Variants in ADAMTS18 observed in about 807,000 individuals in gnomAD.
ADAMTS18 encodes the protein ADAM metallopeptidase with thrombospondin type 1 motif 18, also known as A disintegrin and metalloproteinase with thrombospondin motifs 18.
In ADAMTS18, 157 loss-of-function variants were observed where a neutral mutation model predicts 165.9. That is an observed-to-expected ratio of 0.95 (90% CI 0.83 to 1.08). ADAMTS18 has a LOEUF of 1.08. ADAMTS18 is among the 50% of genes least tolerant of loss of function. ADAMTS18 has a pLI of 0.00. For missense variants in ADAMTS18, 2,040 were observed against 1,534.0 expected (o/e 1.33, Z -5.51); for synonymous variants, 782 against 578.2 (o/e 1.35, Z -5.06).
intron 19 of ADAMTS18, among the ~76,000 whole-genome samples, chr16:77,294,039 C>A (rs140070264): frequency 6.8e-6 from 1 of 148,048 alleles, no homozygotes; most frequent in African/African-American, 2.4e-5. Flanking sequence ...CAGAAAGCAG[C>A]ACCCTCCAGC....
chr16:77,322,319 C>T lies in ADAMTS18; in HGVS notation c.2163+17G>A. The T allele has an allele frequency of 6.2e-7, 1 of 1,613,818 alleles. No individual in the cohort carries two copies. The highest frequency in any genetic ancestry group is 8.5e-7 in the Non-Finnish European group (1 of 1,179,836). ...ACAAGCATGCTCATACACTCCAAAG[C>T]AGAAACGTTCTCTTACTTCACAAAC... On this transcript the variant is annotated intron_variant, in intron 14 of 22. Coordinates refer to ENST00000282849, the MANE Select transcript of ADAMTS18 (RefSeq NM_199355.4).
At chr16:77,385,251 G>A (rs898900337) in intron 3 of ADAMTS18, among the ~76,000 whole-genome samples, 5 of 152,254 alleles carry the variant, frequency 3.3e-5, no homozygotes, top group East Asian at 1.9e-4. Context: ...CCTTGTCATC[G>A]AAAGTCTAAC....
At chr16:77,423,825 T>C (rs993975460) in intron 3 of ADAMTS18, among the ~76,000 whole-genome samples, 7 of 152,196 alleles carry the variant, frequency 4.6e-5, no homozygotes, top group Admixed American at 3.9e-4. Flanking sequence ...ATTGCCAGTA[T>C]CAAAGTGTTC....
intron 3 of ADAMTS18, among the ~76,000 whole-genome samples, chr16:77,376,965 C>A (rs1172454971): frequency 1.3e-5 from 2 of 152,012 alleles, no homozygotes; most frequent in Non-Finnish European, 2.9e-5. Flanking sequence ...CAAGCGCCCA[C>A]CACCACTCTC....
chr16:77,306,116 G>A (rs779282235), intron 16 of ADAMTS18, among the ~76,000 whole-genome samples: 7 of 152,180 alleles, frequency 4.6e-5, no homozygotes, highest in South Asian at 2.1e-4. Flanking sequence ...TGGAAAGACC[G>A]CCAGTGATTC....
chr16:77,415,725 C>CAAAAAAAAAAAA (rs71137817), intron 3 of ADAMTS18, among the ~76,000 whole-genome samples: 69 of 101,952 alleles, frequency 6.8e-4, no homozygotes, highest in African/African-American at 2.4e-3. Context: ...GCTGGGTAGG[C>CAAAAAAAAAAAA]AAAAAAAAAA....
rs2056818383 is a variant in ADAMTS18, at chr16:77,367,667, A to G, written c.552T>C (p.Leu184=). ...NEFLISPLPQ[L]LAQEHNYSSP... ...AGCTGTAGTTGTGTTCCTGGGCCAG[A>G]AGCTGAGGTAATGGCGAGATGAGGA... The change falls in exon 4 of 23, where the codon CTT becomes CTC. Residue 184 remains leucine, a synonymous_variant. Coordinates refer to ENST00000282849, the MANE Select transcript of ADAMTS18 (RefSeq NM_199355.4). The G allele has an allele frequency of 6.2e-7, 1 of 1,614,050 alleles. No individual in the cohort carries two copies. The highest frequency in any genetic ancestry group is 1.1e-5 in the South Asian group (1 of 91,088).
chr16:77,307,795 G>T (rs778805304), intron 16 of ADAMTS18, among the ~76,000 whole-genome samples: 5 of 152,044 alleles, frequency 3.3e-5, no homozygotes, highest in African/African-American at 1.2e-4. Flanking sequence ...TGTATCTTGA[G>T]GCACTTCCTT....
intron 16 of ADAMTS18, among the ~76,000 whole-genome samples, chr16:77,300,792 C>T (rs1018797129): frequency 3.3e-5 from 5 of 152,082 alleles, no homozygotes; most frequent in South Asian, 2.1e-4. Context: ...CACACATAGT[C>T]GTACCCTACA....
intron 3 of ADAMTS18, among the ~76,000 whole-genome samples, chr16:77,408,386 T>G (rs934039341): frequency 1.3e-5 from 2 of 151,996 alleles, no homozygotes; most frequent in Non-Finnish European, 2.9e-5. Context: ...ATTTGAACCA[T>G]AAGACCTGCA....
At chr16:77,309,197 C>T (rs181991624) in intron 16 of ADAMTS18, among the ~76,000 whole-genome samples, 34 of 149,720 alleles carry the variant, frequency 2.3e-4, no homozygotes, top group East Asian at 1.0e-3. Flanking sequence ...TTTATGCTAA[C>T]GTGCGCATGT....
intron 22 of ADAMTS18, among the ~76,000 whole-genome samples, chr16:77,286,794 C>T (rs550024615): frequency 2.0e-5 from 3 of 152,078 alleles, no homozygotes; most frequent in Non-Finnish European, 4.4e-5. Flanking sequence ...ACGTAAACAC[C>T]CAGTTTCAAT....
At chr16:77,404,736 G>A (rs1019772296) in intron 3 of ADAMTS18, among the ~76,000 whole-genome samples, 8 of 152,054 alleles carry the variant, frequency 5.3e-5, no homozygotes, top group African/African-American at 1.9e-4. Context: ...GATCCTTTGC[G>A]TCTAAGGTGA....
chr16:77,429,869 G>A (rs762270537), intron 3 of ADAMTS18, among the ~76,000 whole-genome samples: 2 of 152,258 alleles, frequency 1.3e-5, no homozygotes, highest in Admixed American at 6.5e-5. Context: ...ACTGCCCTGT[G>A]ATGTAAACTC....
chr16:77,379,165 T>C (rs1440097394), intron 3 of ADAMTS18, among the ~76,000 whole-genome samples: 1 of 152,228 alleles, frequency 6.6e-6, no homozygotes, highest in Non-Finnish European at 1.5e-5. Flanking sequence ...AAGGAAATTA[T>C]GAGGCTGCTT....
Position 77,434,751 on chromosome 16 carries a change from G to T in ADAMTS18, c.-56C>A, listed in dbSNP as rs530309075. 2.2e-6 allele frequency: 3 copies of T among 1,337,612 alleles called. No homozygotes were observed. The highest frequency in any genetic ancestry group is 6.5e-5 in the East Asian group (2 of 30,924). The allele number at this position is 1,337,612 out of a possible 1,614,324, so 82.9% of individuals were successfully genotyped here. A position where few individuals can be genotyped will look rare whatever the true frequency, so the allele number is the denominator to read the frequency against. On this transcript the variant is annotated 5_prime_UTR_variant, in exon 1 of 23. Coordinates refer to ENST00000282849, the MANE Select transcript of ADAMTS18 (RefSeq NM_199355.4). The stretch of plus-strand genomic sequence containing the variant: ...GCCAGACGCGGCAGGCGGAGCGCAC[G>T]GGCGGCGCGCATTCTTTCCGCGGCC...
At position 77,293,546 on chromosome 16, in the gene ADAMTS18, T is replaced by C. The variant is rs1015212090; in HGVS notation, c.3007-288A>G. 2.0e-5 allele frequency among the ~76,000 whole-genome samples: 3 copies of C among 151,906 alleles called. No individual in the cohort carries two copies. In the East Asian group the frequency reaches 5.8e-4, roughly 29 times the overall value. ...AGATTTACCCTCTGCTATAAAGGAA[T>C]ATATTCTCTCATTTGAAAGAACCCC... On this transcript the variant is annotated intron_variant, in intron 19 of 22. Transcript: ENST00000282849.
chr16:77,366,971 C>G (rs955985528), intron 4 of ADAMTS18, among the ~76,000 whole-genome samples: 1 of 152,064 alleles, frequency 6.6e-6, no homozygotes, highest in African/African-American at 2.4e-5. Flanking sequence ...TTGGACATCG[C>G]TGGTCTGGAA....
chr16:77,334,924 G>C (rs2056282347), intron 12 of ADAMTS18, among the ~76,000 whole-genome samples: 2 of 136,712 alleles, frequency 1.5e-5, no homozygotes, highest in African/African-American at 5.4e-5. Flanking sequence ...ATAGTATATA[G>C]TATATATACT....
Sources: gnomAD v4.1 joint callset for allele counts (sites outside exome capture counted in the v4.1 genomes callset) on GRCh38, gnomAD v4.1.1 for gene constraint, MANE v1.5 for transcripts, NCBI Gene and HGNC (gene_info 2026-07-23, HGNC 2026-07-21) for gene names.